MACROD2: variants seen among roughly 807,000 people sequenced by gnomAD.
The protein encoded by MACROD2 is ADP-ribose glycohydrolase MACROD2.
In MACROD2, 36 loss-of-function variants were observed where a neutral mutation model predicts 70.4. That is an observed-to-expected ratio of 0.51 (90% confidence interval 0.39 to 0.68). The LOEUF (loss-of-function observed/expected upper bound fraction) is 0.68. MACROD2 is among the 30% of genes least tolerant of loss of function. The pLI, the probability that MACROD2 is intolerant of heterozygous loss-of-function variation, is 0.00. For synonymous variants in MACROD2, 172 were observed against 178.8 expected (o/e 0.96, Z 0.30); for missense variants, 496 against 538.4 (o/e 0.92, Z 0.78).
chr20:16,004,675 C>T (rs1486090401), intron 15 of MACROD2, among the ~76,000 whole-genome samples: 2 of 152,260 alleles, frequency 1.3e-5, no homozygotes, highest in Non-Finnish European at 2.9e-5. Flanking sequence ...CAGCAGCCAA[C>T]TCCCACACAC....
At chr20:14,775,235 G>A (rs1034225171) in intron 5 of MACROD2, among the ~76,000 whole-genome samples, 2 of 152,080 alleles carry the variant, frequency 1.3e-5, no homozygotes, top group Non-Finnish European at 2.9e-5. Flanking sequence ...ACATTTATTA[G>A]CTAACGCGGT....
chr20:15,924,706 TA>T (rs1439696048), intron 10 of MACROD2, among the ~76,000 whole-genome samples: 1 of 152,214 alleles, frequency 6.6e-6, no homozygotes, highest in East Asian at 1.9e-4. Context: ...ATGACAAAGC[TA>T]TATAACAGCT....
chr20:14,801,702 T>C (rs1409521353), intron 5 of MACROD2, among the ~76,000 whole-genome samples: 1 of 152,100 alleles, frequency 6.6e-6, no homozygotes, highest in African/African-American at 2.4e-5. Flanking sequence ...TGGTGGTTAC[T>C]GTTTTGGCTT....
intron 8 of MACROD2, among the ~76,000 whole-genome samples, chr20:15,670,248 C>G (rs2049961226): frequency 1.3e-5 from 2 of 152,158 alleles, no homozygotes; most frequent in South Asian, 4.2e-4. Flanking sequence ...TTTTGGAATA[C>G]CTATGAGCTT....
intron 12 of MACROD2, among the ~76,000 whole-genome samples, chr20:15,957,636 C>A (rs1039233132): frequency 6.6e-6 from 1 of 152,140 alleles, no homozygotes; most frequent in Non-Finnish European, 1.5e-5. Context: ...CAAGTGGGAT[C>A]CTTCCAAGGA....
chr20:15,793,979 G>T (rs1386768310), intron 8 of MACROD2, among the ~76,000 whole-genome samples: 1 of 149,852 alleles, frequency 6.7e-6, no homozygotes, highest in East Asian at 1.9e-4. Flanking sequence ...AAGAATGAAA[G>T]AACCGTCACC....
intron 8 of MACROD2, among the ~76,000 whole-genome samples, chr20:15,768,041 A>C (rs2051556327): frequency 6.6e-6 from 1 of 152,108 alleles, no homozygotes; most frequent in South Asian, 2.1e-4. Context: ...GTTGCAAAAA[A>C]AAAATAGGCA....
At chr20:14,220,860 C>T (rs960098437) in intron 3 of MACROD2, among the ~76,000 whole-genome samples, 7 of 152,164 alleles carry the variant, frequency 4.6e-5, no homozygotes, top group African/African-American at 9.7e-5. Context: ...GTGGGGCACT[C>T]GCAGTTTTGG....
At chr20:15,445,301 CATT>C (rs1568813507) in intron 7 of MACROD2, among the ~76,000 whole-genome samples, 1 of 152,130 alleles carries the variant, frequency 6.6e-6, no homozygotes, top group East Asian at 1.9e-4. Flanking sequence ...CTGTTTGTAA[CATT>C]ATCATACCAC....
chr20:15,763,857 A>G (rs2051478978), intron 8 of MACROD2, among the ~76,000 whole-genome samples: 1 of 152,248 alleles, frequency 6.6e-6, no homozygotes, highest in Admixed American at 6.5e-5. Context: ...AATTACTTTT[A>G]TAATGCATGA....
intron 15 of MACROD2, among the ~76,000 whole-genome samples, chr20:16,032,179 CA>C (rs1218058079): frequency 6.6e-6 from 1 of 152,022 alleles, no homozygotes; most frequent in Non-Finnish European, 1.5e-5. Flanking sequence ...AGTATGTTTT[CA>C]CCTGTAAGTG....
chr20:14,715,524 G>A (rs1008920408), intron 5 of MACROD2, among the ~76,000 whole-genome samples: 4 of 152,166 alleles, frequency 2.6e-5, no homozygotes, highest in Non-Finnish European at 5.9e-5. Flanking sequence ...GAGAGTGAGT[G>A]AGCACTCTTT....
intron 5 of MACROD2, chr20:14,935,375 G>A (rs531387405): frequency 2.0e-5 from 3 of 151,708 alleles, no homozygotes; most frequent in African/African-American, 4.9e-5. Flanking sequence ...TGCTGGAAAG[G>A]TCTTTAGAGT....
chr20:14,179,556 CAAAT>C (rs941470672), intron 3 of MACROD2, among the ~76,000 whole-genome samples: 2 of 152,046 alleles, frequency 1.3e-5, no homozygotes, highest in African/African-American at 2.4e-5. Flanking sequence ...ACTTAACAAA[CAAAT>C]ATTTGTTTGA....
chr20:14,190,698 ATTTTTTTTTTTTTT>A (rs1161419446), intron 3 of MACROD2, among the ~76,000 whole-genome samples: 1 of 28,090 alleles, frequency 3.6e-5, no homozygotes, highest in Admixed American at 7.7e-4. Context: ...ATATATATAT[ATTTTTTTTTTTTTT>A]TTTTTTTTTT....
chr20:15,207,801 T>C lies in MACROD2; in HGVS notation c.419-22139T>C, dbSNP rs879415284. ...TGTAATTTAAATGGTTTTTCTCCAA[T>C]ATAGATAAGGATTCATTTCTGTTTT... On this transcript the variant is annotated intron_variant, in intron 5 of 17. Transcript: ENST00000684519. 2.0e-5 allele frequency among the ~76,000 whole-genome samples: 3 copies of C among 152,166 alleles called. No homozygotes were observed. The East Asian group carries it at 5.8e-4, about 29-fold the overall frequency.
At chr20:16,031,973 T>G (rs1454751941) in intron 15 of MACROD2, among the ~76,000 whole-genome samples, 1 of 152,082 alleles carries the variant, frequency 6.6e-6, no homozygotes, top group Non-Finnish European at 1.5e-5. Flanking sequence ...AATAGGAACA[T>G]TTTAACATGG....
At chr20:15,872,741 A>G (rs1027192901) in intron 9 of MACROD2, among the ~76,000 whole-genome samples, 2 of 152,210 alleles carry the variant, frequency 1.3e-5, no homozygotes, top group African/African-American at 4.8e-5. Context: ...CAGAAGTAAG[A>G]TAGGTTTATA....
At chr20:14,367,420 G>A (rs756969249) in intron 3 of MACROD2, among the ~76,000 whole-genome samples, 1 of 152,096 alleles carries the variant, frequency 6.6e-6, no homozygotes. Flanking sequence ...TTTTTGTTAA[G>A]TCTAAAGGAC....
Sources: allele counts gnomAD v4.1 joint callset (sites outside exome capture counted in the v4.1 genomes callset), GRCh38; gene constraint gnomAD v4.1.1; transcripts MANE v1.5; gene names NCBI Gene and HGNC (gene_info 2026-07-23, HGNC 2026-07-21).